The following METTL15 variants were observed in gnomAD, a reference collection of about 807,000 sequenced individuals.
The protein encoded by METTL15 is 12S rRNA N(4)-cytidine methyltransferase METTL15.
In METTL15, 34 loss-of-function variants were observed where a neutral mutation model predicts 38.3. The ratio of observed to expected loss-of-function variants is 0.89; its 90% CI spans 0.68 to 1.18. METTL15 has a LOEUF of 1.18. Ranked by LOEUF, METTL15 falls within the 50% of genes most tolerant of loss-of-function variation. METTL15 has a pLI of 0.00. For missense variants in METTL15, 438 were observed against 498.4 expected (o/e 0.88, Z 1.15); for synonymous variants, 162 against 170.9 (o/e 0.95, Z 0.41).
chr11:28,504,217 A>G (rs1054001430), intron 6 of METTL15, among the ~76,000 whole-genome samples: 1 of 151,320 alleles, frequency 6.6e-6, no homozygotes, highest in Non-Finnish European at 1.5e-5. Context: ...AAAAAAAAAA[A>G]AGAGAGGGAG....
chr11:28,315,363 C>G (rs1045627770), intron 6 of METTL15, among the ~76,000 whole-genome samples: 1 of 152,166 alleles, frequency 6.6e-6, no homozygotes, highest in African/African-American at 2.4e-5. Flanking sequence ...TGCCCCTGTC[C>G]TAGAGATTTG....
At chr11:28,244,611 A>AGGTTATTC (rs1854435254) in intron 4 of METTL15, among the ~76,000 whole-genome samples, 1 of 152,192 alleles carries the variant, frequency 6.6e-6, no homozygotes, top group East Asian at 1.9e-4. Flanking sequence ...ATTCTGACAT[A>AGGTTATTC]TGTCCAGGTT....
At position 28,296,627 on chromosome 11, in the gene METTL15, A is replaced by T. The variant is rs1007202059; in HGVS notation, c.600-126A>T. On this transcript the variant is annotated intron_variant, in intron 5 of 6. Coordinates refer to ENST00000407364, the MANE Select transcript of METTL15 (RefSeq NM_001113528.2). ...CATTTGTTTAAGGTTTCAGTTTCTG[A>T]CTTTAAAACCTCACTTCTCCTAGAG... 2.9e-5 allele frequency: 27 copies of T among 926,412 alleles called. No homozygotes were observed. The Admixed American group carries it at 7.1e-4, about 24-fold the overall frequency. 57.4% of individuals were successfully genotyped at this position (926,412 alleles called of 1,614,324 possible).
chr11:28,319,484 G>A (rs1396828628), intron 6 of METTL15, among the ~76,000 whole-genome samples: 1 of 150,046 alleles, frequency 6.7e-6, no homozygotes. Context: ...AACTCATACT[G>A]ATCTAGACTT....
At chr11:28,201,567 G>T (rs1272695876) in intron 3 of METTL15, among the ~76,000 whole-genome samples, 2 of 132,136 alleles carry the variant, frequency 1.5e-5, no homozygotes, top group Non-Finnish European at 3.2e-5. Flanking sequence ...GAGGCAGTTG[G>T]TCTGTTCAGG....
chr11:28,126,140 A>G (rs1157477769), intron 3 of METTL15, among the ~76,000 whole-genome samples: 4 of 152,014 alleles, frequency 2.6e-5, no homozygotes, highest in Non-Finnish European at 5.9e-5. Context: ...TACACATCCC[A>G]CAGATATACA....
intron 4 of METTL15, among the ~76,000 whole-genome samples, chr11:28,274,977 A>G (rs1855786967): frequency 6.6e-6 from 1 of 151,444 alleles, no homozygotes; most frequent in Admixed American, 6.6e-5. Context: ...AAAAGACTCA[A>G]AAAAAGGGAA....
intron 6 of METTL15, among the ~76,000 whole-genome samples, chr11:28,516,049 C>T (rs538844973): frequency 6.6e-6 from 1 of 152,294 alleles, no homozygotes; most frequent in African/African-American, 2.4e-5. Flanking sequence ...CAAGTGTACC[C>T]TATGTTTTGA....
At chr11:28,470,713 G>A (rs2582901) in intron 6 of METTL15, among the ~76,000 whole-genome samples, 147,902 of 152,160 alleles carry the variant, frequency 0.97, 71,985 homozygotes, top group East Asian at 1. Flanking sequence ...CTTAGCTAAT[G>A]TAAGCACTCC....
intron 6 of METTL15, among the ~76,000 whole-genome samples, chr11:28,323,599 G>A (rs914972729): frequency 2.6e-5 from 4 of 152,130 alleles, no homozygotes; most frequent in African/African-American, 9.7e-5. Flanking sequence ...TTAAGAGCAA[G>A]GTCAGGGGAT....
chr11:28,375,244 C>T, intron 5 of METTL15, among the ~76,000 whole-genome samples: 1 of 134,404 alleles, frequency 7.4e-6, no homozygotes, highest in African/African-American at 2.8e-5. Flanking sequence ...AGGAATGGTA[C>T]CAGTTCCTCC....
chr11:28,323,918 C>A (rs956856761), intron 6 of METTL15, among the ~76,000 whole-genome samples: 1 of 152,092 alleles, frequency 6.6e-6, no homozygotes, highest in Admixed American at 6.6e-5. Context: ...AGGGTCAATC[C>A]CTTATGCCAT....
chr11:28,359,324 G>A (rs1005468915), intron 4 of METTL15, among the ~76,000 whole-genome samples: 3 of 152,106 alleles, frequency 2.0e-5, no homozygotes, highest in Admixed American at 6.5e-5. Flanking sequence ...TTCTTTATCC[G>A]ATATACCGTT....
At chr11:28,314,751 T>A (rs1857422229) in intron 6 of METTL15, among the ~76,000 whole-genome samples, 1 of 152,164 alleles carries the variant, frequency 6.6e-6, no homozygotes, top group Non-Finnish European at 1.5e-5. Context: ...TCCCATGTAT[T>A]GTGGGAGGGA....
intron 6 of METTL15, among the ~76,000 whole-genome samples, chr11:28,459,087 G>C (rs1851193958): frequency 6.6e-6 from 1 of 151,944 alleles, no homozygotes; most frequent in South Asian, 2.1e-4. Context: ...TTCTTCTACT[G>C]TACCCTTATA....
chr11:28,157,996 C>T (rs1850322316), intron 3 of METTL15, among the ~76,000 whole-genome samples: 1 of 152,184 alleles, frequency 6.6e-6, no homozygotes, highest in Admixed American at 6.5e-5. Context: ...GTGGGCAGAA[C>T]TTCAAGCAGT....
chr11:28,292,758 G>A (rs1565230080), intron 5 of METTL15, among the ~76,000 whole-genome samples: 1 of 152,138 alleles, frequency 6.6e-6, no homozygotes, highest in Non-Finnish European at 1.5e-5. Flanking sequence ...ATTCTAACTG[G>A]TGTGAGATGG....
At position 28,405,841 on chromosome 11, in the gene METTL15, A is replaced by G. The variant is rs1046902584; in HGVS notation, c.*359-18458A>G. Among the ~76,000 whole-genome samples, 5 of 152,114 alleles carry G rather than the reference A, an allele frequency of 3.3e-5. No individual in the cohort carries two copies. The South Asian group carries it at 6.2e-4, about 19-fold the overall frequency. On this transcript the variant is annotated intron_variant and NMD_transcript_variant, in intron 5 of 7. Transcript: ENST00000532947. ...TTTTATGAAGGATTATTGCTTTGGC[A>G]TACCCACCTCTCATATTCAATTATG...
At chr11:28,286,171 C>G (rs1029061119) in intron 4 of METTL15, among the ~76,000 whole-genome samples, 8 of 152,132 alleles carry the variant, frequency 5.3e-5, no homozygotes, top group Non-Finnish European at 1.2e-4. Context: ...CTGGTAGAAG[C>G]TGATGTCGTG....
Sources: allele counts gnomAD v4.1 joint callset (sites outside exome capture counted in the v4.1 genomes callset), GRCh38; gene constraint gnomAD v4.1.1; transcripts MANE v1.5; gene names NCBI Gene and HGNC (gene_info 2026-07-23, HGNC 2026-07-21).